Variants in AFG1L observed in about 807,000 individuals in gnomAD.
AFG1L encodes AFG1 like ATPase, also known as AFG1-like ATPase.
A neutral mutation model predicts 62.2 loss-of-function variants in AFG1L; 53 were observed. The observed-to-expected ratio is 0.85, with a 90% CI of 0.68 to 1.07. The LOEUF (loss-of-function observed/expected upper bound fraction) is 1.07, where lower values mean the gene tolerates loss of function less well. Ranked by LOEUF, AFG1L falls within the 50% of genes least tolerant of loss-of-function variation. The pLI is 0.00. For synonymous variants in AFG1L, 228 were observed against 210.3 expected, an observed-to-expected ratio of 1.08 and a Z score of -0.73; for missense variants, 555 against 590.5, an observed-to-expected ratio of 0.94 and a Z score of 0.62.
chr6:108,443,583 T>G (rs1359831229), intron 7 of AFG1L, among the ~76,000 whole-genome samples: 1 of 152,084 alleles, frequency 6.6e-6, no homozygotes, highest in Non-Finnish European at 1.5e-5. Context: ...GTTTGAAAAA[T>G]GCAGTTTTTG....
intron 6 of AFG1L, among the ~76,000 whole-genome samples, chr6:108,384,076 A>AG (rs922436795): frequency 1.3e-5 from 2 of 151,844 alleles, no homozygotes; most frequent in African/African-American, 4.8e-5. Flanking sequence ...AAAAAAAAAA[A>AG]AAAAGGCTGG....
chr6:108,370,426 C>T (rs1052298423), intron 6 of AFG1L, among the ~76,000 whole-genome samples: 9 of 151,910 alleles, frequency 5.9e-5, no homozygotes, highest in Non-Finnish European at 7.4e-5. Flanking sequence ...CTCTTTTGCT[C>T]ACTAGGGAAT....
At chr6:108,350,048 C>T (rs140786101) in intron 3 of AFG1L, among the ~76,000 whole-genome samples, 3,447 of 151,718 alleles carry the variant, frequency 0.023, 52 homozygotes, top group South Asian at 0.043. Context: ...ATGGTGAAAC[C>T]CCGCCTCTAC....
chr6:108,453,914 C>T (rs1044548120), intron 8 of AFG1L, among the ~76,000 whole-genome samples: 1 of 152,172 alleles, frequency 6.6e-6, no homozygotes, highest in African/African-American at 2.4e-5. Context: ...TGTTTCAATT[C>T]CCACTGAAGA....
chr6:108,441,727 A>ATATATATATG (rs1771562231), intron 7 of AFG1L, among the ~76,000 whole-genome samples: 2 of 140,796 alleles, frequency 1.4e-5, no homozygotes, highest in African/African-American at 3.1e-5. Flanking sequence ...ATATATATAT[A>ATATATATATG]TATAAACTGA....
intron 6 of AFG1L, among the ~76,000 whole-genome samples, chr6:108,370,798 TTC>T (rs796950344): frequency 1.2e-4 from 18 of 152,302 alleles, no homozygotes; most frequent in African/African-American, 4.1e-4. Flanking sequence ...AACACGCATT[TTC>T]TTTTTTTCCT....
At chr6:108,449,961 A>G (rs1442468608) in intron 8 of AFG1L, among the ~76,000 whole-genome samples, 1 of 152,194 alleles carries the variant, frequency 6.6e-6, no homozygotes, top group Non-Finnish European at 1.5e-5. Flanking sequence ...ATAGTATTCC[A>G]TGGTGTACAT....
chr6:108,355,601 G>T, intron 3 of AFG1L, 53 bp from the exon 4 acceptor site: 1 of 865,066 alleles, frequency 1.2e-6, no homozygotes, highest in Non-Finnish European at 1.8e-6. Flanking sequence ...AATCATTACA[G>T]CAATCAGTAC....
At chr6:108,321,918 G>GTTGCC (rs1263714228) in intron 1 of AFG1L, among the ~76,000 whole-genome samples, 1 of 152,140 alleles carries the variant, frequency 6.6e-6, no homozygotes, top group African/African-American at 2.4e-5. Flanking sequence ...GTCTCACTCT[G>GTTGCC]TTGCCCGGGC....
chr6:108,308,386 A>G (rs1055924168), intron 1 of AFG1L, among the ~76,000 whole-genome samples: 6 of 152,208 alleles, frequency 3.9e-5, no homozygotes, highest in African/African-American at 1.4e-4. Flanking sequence ...CCTGGCCTCA[A>G]GCTATCCTCC....
In AFG1L at chr6:108,378,310, T is replaced by TTTTG. The variant is rs537055598; in HGVS notation, c.748+11998_748+12001dup. ...TGCAAGCCATGCTTTGAAGTTGTTT[T>TTTTG]TTTGTTTGTTTGTTTGTTTGTTTTT... is the stretch of plus-strand genomic sequence containing the variant. On this transcript the variant is annotated intron_variant, in intron 6 of 12. Transcript: ENST00000368977. 1.2e-4 allele frequency among the ~76,000 whole-genome samples: 18 copies of TTTTG among 152,004 alleles called. 1 individual carries two copies. Among genetic ancestry groups the TTTTG allele is most frequent in the South Asian group, 4.2e-4 (2 of 4,814 alleles).
chr6:108,478,151 G>T (rs1483391497), intron 10 of AFG1L, among the ~76,000 whole-genome samples: 3 of 152,218 alleles, frequency 2.0e-5, no homozygotes, highest in Admixed American at 6.5e-5. Context: ...TTAAAAGCTA[G>T]TGACGGCCGG....
intron 6 of AFG1L, among the ~76,000 whole-genome samples, chr6:108,369,682 A>G (rs2114510099): frequency 6.6e-6 from 1 of 151,606 alleles, no homozygotes; most frequent in Non-Finnish European, 1.5e-5. Context: ...GATCTTGGTT[A>G]ACTGCAACCT....
At chr6:108,445,353 T>A (rs1226967301) in intron 7 of AFG1L, among the ~76,000 whole-genome samples, 2 of 152,230 alleles carry the variant, frequency 1.3e-5, no homozygotes, top group Non-Finnish European at 2.9e-5. Flanking sequence ...TTTGCTTTCT[T>A]GTGGTTCATG....
At chr6:108,422,053 G>A (rs1770616085) in intron 7 of AFG1L, among the ~76,000 whole-genome samples, 1 of 151,950 alleles carries the variant, frequency 6.6e-6, no homozygotes, top group South Asian at 2.1e-4. Flanking sequence ...GATTGTTTTT[G>A]GAAAGAACTT....
intron 6 of AFG1L, chr6:108,391,982 A>G (rs1781076598): frequency 6.6e-6 from 1 of 152,166 alleles, no homozygotes; most frequent in South Asian, 2.1e-4. Context: ...CTTACTTACC[A>G]TGAACACATT....
At chr6:108,400,439 T>G (rs992870199) in intron 6 of AFG1L, among the ~76,000 whole-genome samples, 2 of 150,614 alleles carry the variant, frequency 1.3e-5, no homozygotes, top group Non-Finnish European at 2.9e-5. Flanking sequence ...CGGCATCAAT[T>G]GAAATTATTA....
intron 1 of AFG1L, among the ~76,000 whole-genome samples, chr6:108,301,202 C>A (rs1776985913): frequency 6.6e-6 from 1 of 152,140 alleles, no homozygotes; most frequent in Non-Finnish European, 1.5e-5. Flanking sequence ...TTCTTTACTG[C>A]AAGTTGTTTT....
intron 7 of AFG1L, among the ~76,000 whole-genome samples, chr6:108,408,708 T>G (rs534151927): frequency 2.6e-4 from 40 of 152,350 alleles, no homozygotes; most frequent in Middle Eastern, 3.4e-3. Context: ...TTTTGTCCAG[T>G]GTTTTAGTTA....
Sources: allele counts gnomAD v4.1 joint callset (sites outside exome capture counted in the v4.1 genomes callset), GRCh38; gene constraint gnomAD v4.1.1; transcripts MANE v1.5; gene names NCBI Gene and HGNC (gene_info 2026-07-23, HGNC 2026-07-21).